The following CLASP2 variants were observed in gnomAD, a reference collection of about 807,000 sequenced individuals.
CLASP2 encodes the protein CLIP-associating protein 2.
Under a neutral mutation model 194.4 loss-of-function variants are expected in CLASP2, and 47 were observed. The observed-to-expected ratio is 0.24, with a 90% CI of 0.19 to 0.31. The LOEUF (loss-of-function observed/expected upper bound fraction) is 0.31. CLASP2 is among the 10% of genes least tolerant of loss of function. The pLI is 1.00. For synonymous variants in CLASP2, 619 were observed against 633.5 expected (o/e 0.98, Z 0.34); for missense variants, 1,445 against 1,823.6 (o/e 0.79, Z 3.78).
chr3:33,556,908 C>T (rs2061039926), intron 29 of CLASP2, among the ~76,000 whole-genome samples: 1 of 152,062 alleles, frequency 6.6e-6, no homozygotes. Flanking sequence ...TCAATCTTCG[C>T]TTTGTCTTTC....
At chr3:33,504,769 T>C (rs1240563983) in intron 37 of CLASP2, 1 of 152,168 alleles carries the variant, frequency 6.6e-6, no homozygotes, top group Non-Finnish European at 1.5e-5. Context: ...AGATCCCTCA[T>C]ATGTGCAACT....
intron 3 of CLASP2, among the ~76,000 whole-genome samples, chr3:33,689,564 T>C (rs377493868): frequency 1.1e-4 from 17 of 151,668 alleles, no homozygotes; most frequent in Admixed American, 6.6e-4. Context: ...AACCAAAAAA[T>C]CCTAAAGTAT....
chr3:33,511,123 C>A (rs940055716), intron 36 of CLASP2, among the ~76,000 whole-genome samples: 2 of 151,240 alleles, frequency 1.3e-5, no homozygotes, highest in Non-Finnish European at 2.9e-5. Context: ...GCCTCAAACT[C>A]CCAGGCTCAA....
chr3:33,527,836 A>C lies in CLASP2; in HGVS notation c.3787+7397T>G, dbSNP rs2055009843. Among the ~76,000 whole-genome samples, 3 of 152,192 alleles carry C rather than the reference A, an allele frequency of 2.0e-5. No homozygotes were observed. The South Asian group carries it at 6.2e-4, about 32-fold the overall frequency. ...AAATTAGCCAGACGTGGTGGCATGC[A>C]CCTGTAATCCCAGCTATTCAGGAGG... is the stretch of plus-strand genomic sequence containing the variant. On this transcript the variant is annotated intron_variant, in intron 34 of 38. Coordinates refer to ENST00000682230, the MANE Select transcript of CLASP2 (RefSeq NM_001365631.1).
chr3:33,556,638 T>C (rs1462987263), intron 29 of CLASP2, among the ~76,000 whole-genome samples: 1 of 152,110 alleles, frequency 6.6e-6, no homozygotes, highest in African/African-American at 2.4e-5. Context: ...GGTTTCACCA[T>C]GCTGGCCAGC....
At chr3:33,668,502 G>C (rs1434890421) in intron 6 of CLASP2, among the ~76,000 whole-genome samples, 1 of 152,298 alleles carries the variant, frequency 6.6e-6, no homozygotes, top group East Asian at 1.9e-4. Flanking sequence ...ATAAACTCTT[G>C]AGAATATATG....
In CLASP2 at chr3:33,607,376, T is replaced by G; in HGVS notation, c.1526+8A>C. ...AAACTGTCACAAAACTATACTACAC[T>G]GACTTACTTTCTTGCCTCCACTCTG... is the stretch of plus-strand genomic sequence containing the variant. On this transcript the variant is annotated splice_region_variant and intron_variant, in intron 15 of 38. Coordinates refer to ENST00000682230, the MANE Select transcript of CLASP2 (RefSeq NM_001365631.1). 6.3e-7 allele frequency: 1 copy of G among 1,593,230 alleles called. No homozygotes were observed. The highest frequency in any genetic ancestry group is 8.6e-7 in the Non-Finnish European group (1 of 1,168,478).
At chr3:33,499,019 T>C (rs893887170) in intron 38 of CLASP2, among the ~76,000 whole-genome samples, 17 of 152,272 alleles carry the variant, frequency 1.1e-4, no homozygotes, top group African/African-American at 4.1e-4. Flanking sequence ...ACTTTTGATA[T>C]GGTCTAGCTC....
chr3:33,510,214 G>A (rs921567113), intron 37 of CLASP2, among the ~76,000 whole-genome samples: 1 of 152,160 alleles, frequency 6.6e-6, no homozygotes, highest in African/African-American at 2.4e-5. Context: ...TGCTGGGGGG[G>A]ATGAAGGGAG....
intron 12 of CLASP2, among the ~76,000 whole-genome samples, chr3:33,612,883 C>T (rs2075435033): frequency 6.6e-6 from 1 of 151,594 alleles, no homozygotes; most frequent in South Asian, 2.1e-4. Context: ...TGATCAGAGG[C>T]TAGGAAGGAT....
At chr3:33,565,819 A>T (rs977102550) in intron 27 of CLASP2, among the ~76,000 whole-genome samples, 17 of 151,550 alleles carry the variant, frequency 1.1e-4, no homozygotes, top group Admixed American at 9.2e-4. Flanking sequence ...CTCAAAAAAA[A>T]GAAAAAAAAA....
chr3:33,615,901 G>T (rs2076074611), intron 12 of CLASP2, among the ~76,000 whole-genome samples: 1 of 151,716 alleles, frequency 6.6e-6, no homozygotes, highest in Non-Finnish European at 1.5e-5. Context: ...ATAAAACATG[G>T]TAAATTTAAA....
chr3:33,533,759 G>C (rs184551084), intron 34 of CLASP2, among the ~76,000 whole-genome samples: 126 of 152,152 alleles, frequency 8.3e-4, no homozygotes, highest in Non-Finnish European at 1.4e-3. Flanking sequence ...CTGTTGCCCA[G>C]GTTGGAGTGC....
intron 20 of CLASP2, among the ~76,000 whole-genome samples, chr3:33,594,604 TAAAA>T (rs939127180): frequency 6.6e-6 from 1 of 151,326 alleles, no homozygotes; most frequent in Non-Finnish European, 1.5e-5. Context: ...TTGGCATAAA[TAAAA>T]AAACAAAAAC....
Position 33,510,663 on chromosome 3 carries a change from G to A in CLASP2, c.4212C>T (p.Tyr1404=), listed in dbSNP as rs61735757. The change falls in exon 37 of 39, where the codon TAC becomes TAT. Residue 1404 remains tyrosine (Y), a synonymous_variant. Coordinates refer to ENST00000682230, the MANE Select transcript of CLASP2 (RefSeq NM_001365631.1). ...VLCPIIQTAD[Y]PINLAAIKMQ... is the part of the protein sequence containing the mutation. Reference sequence around the variant, plus strand: ...TTTTGATTGCAGCCAGATTAATTGGGTAGTCTGCAGTTTGAATGATAGGAC... The same window carrying A: ...TTTTGATTGCAGCCAGATTAATTGGATAGTCTGCAGTTTGAATGATAGGAC... 9.1e-3 allele frequency: 14,747 copies of A among 1,613,770 alleles called. 106 individuals are homozygous for A. The highest frequency in any genetic ancestry group is 0.035 in the Middle Eastern group (215 of 6,062).
intron 30 of CLASP2, 187 bp from the exon 31 acceptor site, chr3:33,545,028 T>C (rs1237742680): frequency 2.3e-6 from 1 of 432,404 alleles, no homozygotes; most frequent in Admixed American, 4.1e-5. Flanking sequence ...CCTACCTTTT[T>C]TTTTTTTAAG....
Position 33,498,677 on chromosome 3 carries a change from C to A in CLASP2, c.4475G>T (p.Gly1492Val). 2 of 1,613,496 alleles carry A rather than the reference C, an allele frequency of 1.2e-6. No individual in the cohort carries two copies. The highest frequency in any genetic ancestry group is 1.7e-6 in the Non-Finnish European group (2 of 1,179,578). The change falls in exon 39 of 39, where the codon GGT becomes GTT. Residue 1492 changes from glycine to valine, a missense_variant. Gly to Val is a moderately radical substitution (Grantham distance 109, BLOSUM62 -3). Transcript: ENST00000682230. ...AGTAGTGGGATCAGCTCCTCCAGAA[C>A]CTGTTTGTGCACGTTTGATGTAAAG... Reference protein sequence around the residue: ...LNLYIKRAQTGSGGADPTTDV... With the variant: ...LNLYIKRAQTVSGGADPTTDV...
At chr3:33,644,653 G>A (rs1326386636) in intron 8 of CLASP2, 104 bp downstream of exon 8, 3 of 1,223,960 alleles carry the variant, frequency 2.5e-6, no homozygotes, top group East Asian at 2.5e-5. Flanking sequence ...ATCTGCAATC[G>A]TGCTGCAGTC....
chr3:33,569,330 T>C (rs954876261), intron 26 of CLASP2, among the ~76,000 whole-genome samples: 1 of 152,220 alleles, frequency 6.6e-6, no homozygotes, highest in African/African-American at 2.4e-5. Context: ...AGTCAAAAAC[T>C]GTGACTTCAA....
Sources: gnomAD v4.1 joint callset for allele counts (sites outside exome capture counted in the v4.1 genomes callset) on GRCh38, gnomAD v4.1.1 for gene constraint, MANE v1.5 for transcripts, NCBI Gene and HGNC (gene_info 2026-07-23, HGNC 2026-07-21) for gene names.